The following GPR83 variants were observed in gnomAD, a reference collection of about 807,000 sequenced individuals.
GPR83 encodes G protein-coupled receptor 83.
Under a neutral mutation model 28.0 loss-of-function variants are expected in GPR83, and 23 were observed. The ratio of observed to expected loss-of-function variants is 0.82; its 90% CI spans 0.59 to 1.16. GPR83 has a LOEUF of 1.16. Among genes scored for constraint, GPR83 ranks in the 50% most tolerant of loss-of-function variants. GPR83 has a pLI of 0.00. For synonymous variants in GPR83, 234 were observed against 215.4 expected, an observed-to-expected ratio of 1.09 and a Z score of -0.76; for missense variants, 610 against 536.6, an observed-to-expected ratio of 1.14 and a Z score of -1.35.
intron 3 of GPR83, among the ~76,000 whole-genome samples, chr11:94,383,829 A>G (rs1421638342): frequency 4.6e-5 from 7 of 152,344 alleles, no homozygotes; most frequent in African/African-American, 1.7e-4. Flanking sequence ...TCTGAAATTG[A>G]GGCAGTAATT....
intron 3 of GPR83, among the ~76,000 whole-genome samples, chr11:94,393,195 G>A (rs764535513): frequency 5.9e-5 from 9 of 152,214 alleles, no homozygotes; most frequent in Admixed American, 1.3e-4. Flanking sequence ...CTCAGGCTGC[G>A]TAAGTACGGC....
At chr11:94,386,793 C>A (rs1265915304) in intron 3 of GPR83, among the ~76,000 whole-genome samples, 1 of 152,160 alleles carries the variant, frequency 6.6e-6, no homozygotes. Flanking sequence ...ACAAGGACAT[C>A]CAGTAATTGA....
At chr11:94,385,857 A>G (rs1565185202) in intron 3 of GPR83, among the ~76,000 whole-genome samples, 1 of 152,162 alleles carries the variant, frequency 6.6e-6, no homozygotes, top group African/African-American at 2.4e-5. Context: ...ATGCCACAAA[A>G]GTACTGCTCA....
At position 94,380,764 on chromosome 11, in the gene GPR83, A is replaced by C. The variant is rs1350293077; in HGVS notation, c.657T>G (p.Ile219Met). Residue 219 changes from isoleucine (I) to methionine (M), a missense_variant, in exon 4 of 4, where the codon ATT (isoleucine) becomes ATG (methionine). Transcript: ENST00000243673. ...KLFTFKYSED[I>M]VRSLCLPDFP... ...AGTCTGGCAGGCAGAGGGAGCGCAC[A>C]ATGTCCTCACTGGGGGCAGGAAGTG... 6.2e-7 allele frequency: 1 copy of C among 1,608,928 alleles called. No individual in the cohort carries two copies. The highest frequency in any genetic ancestry group is 8.5e-7 in the Non-Finnish European group (1 of 1,178,084).
rs372761443 is a variant in GPR83 at position 94,380,190 on chromosome 11, T to C, written c.1231A>G (p.Thr411Ala). The C allele has an allele frequency of 2.2e-5, 34 of 1,519,390 alleles. No homozygotes were observed. The highest frequency in any genetic ancestry group is 2.8e-5 in the Non-Finnish European group (32 of 1,135,674). The allele number at this position is 1,519,390 out of a possible 1,614,324, so 94.1% of individuals were successfully genotyped here. The change falls in exon 4 of 4, where the codon ACA (threonine) becomes GCA (alanine). Residue 411 changes from threonine to alanine, a missense_variant. Coordinates refer to ENST00000243673, the MANE Select transcript of GPR83 (RefSeq NM_016540.4). ...LPTSQLQSGK[T>A]DLSSVEPIVT... ...ATGGGTTCCACAGATGACAGGTCTG[T>C]CTTCCCAGACTGGAGTTGGGAGGTG...
chr11:94,380,622 A>G lies in GPR83; in HGVS notation c.799T>C (p.Trp267Arg). The change falls in exon 4 of 4, where the codon TGG becomes CGG. Residue 267 changes from tryptophan to arginine, a missense_variant. Physicochemically the swap from Trp to Arg is moderately radical, Grantham distance 101 (BLOSUM62 -3). Transcript: ENST00000243673. ...VAYARVAKKL[W>R]LCNMIGDVTT... is the part of the protein sequence containing the mutation. ...ACATCGCCAATCATATTACACAGCC[A>G]CAGTTTCTTGGCCACACGAGCGTAG... 6.2e-7 allele frequency: 1 copy of G among 1,614,046 alleles called. No individual in the cohort carries two copies. The highest frequency in any genetic ancestry group is 8.5e-7 in the Non-Finnish European group (1 of 1,180,004).
chr11:94,383,523 C>CA (rs1565184331), intron 3 of GPR83, among the ~76,000 whole-genome samples: 1 of 152,034 alleles, frequency 6.6e-6, no homozygotes, highest in Admixed American at 6.6e-5. Flanking sequence ...AAAAACCCTT[C>CA]AAAAAAATCA....
At chr11:94,384,149 G>A (rs748415805) in intron 3 of GPR83, among the ~76,000 whole-genome samples, 1 of 152,162 alleles carries the variant, frequency 6.6e-6, no homozygotes, top group Non-Finnish European at 1.5e-5. Flanking sequence ...GATCAAGTTG[G>A]CTTCATCCCT....
intron 1 of GPR83, among the ~76,000 whole-genome samples, chr11:94,397,856 T>A (rs1944880305): frequency 6.6e-6 from 1 of 152,170 alleles, no homozygotes; most frequent in Non-Finnish European, 1.5e-5. Context: ...CTGGAGTGTG[T>A]GAACAAGAGT....
Position 94,378,781 on chromosome 11 carries a change from T to A in GPR83, c.*1368A>T, listed in dbSNP as rs1944647854. On this transcript the variant is annotated 3_prime_UTR_variant, in exon 4 of 4. Coordinates refer to ENST00000243673, the MANE Select transcript of GPR83 (RefSeq NM_016540.4). Reference sequence around the variant, plus strand: ...ATATTGGAAAGCCTGCTCCCTCATCTCTTGTGAAAACAGAACAATGTTTCA... The same window carrying A: ...ATATTGGAAAGCCTGCTCCCTCATCACTTGTGAAAACAGAACAATGTTTCA... 6.6e-6 allele frequency: 1 copy of A among 152,606 alleles called. No homozygotes were observed. Among genetic ancestry groups the A allele is most frequent in the African/African-American group, 2.4e-5 (1 of 41,450 alleles). 9.5% of individuals were successfully genotyped at this position (152,606 alleles called of 1,614,324 possible).
Position 94,396,428 on chromosome 11 carries a change from G to A in GPR83, c.484C>T (p.Leu162=). 4 of 1,613,986 alleles carry A rather than the reference G, an allele frequency of 2.5e-6. No homozygotes were observed. The highest frequency in any genetic ancestry group is 1.1e-5 in the South Asian group (1 of 91,048). The change falls in exon 2 of 4, where the codon CTG becomes TTG. Residue 162 remains leucine, a synonymous_variant. Coordinates refer to ENST00000243673, the MANE Select transcript of GPR83 (RefSeq NM_016540.4). ...YCSLHVSALT[L]TAIAVDRHQV... ...TGGCGATCCACCGCAATGGCTGTCA[G>A]TGTCAGTGCTGAGACGTGCAGTGAG... is the stretch of plus-strand genomic sequence containing the variant.
chr11:94,397,457 G>A (rs1196211260), intron 1 of GPR83, among the ~76,000 whole-genome samples: 5 of 152,212 alleles, frequency 3.3e-5, no homozygotes, highest in African/African-American at 1.2e-4. Context: ...AGGGATGGGA[G>A]TGGGCAGAGG....
intron 3 of GPR83, among the ~76,000 whole-genome samples, chr11:94,391,152 C>A (rs907557005): frequency 4.6e-5 from 7 of 152,078 alleles, no homozygotes; most frequent in African/African-American, 7.2e-5. Context: ...TGGAACAGAG[C>A]CCTCAGAAAT....
rs1944839720 is a variant in GPR83, at chr11:94,393,607, G to T, written c.525C>A (p.His175Gln). 6.2e-7 allele frequency: 1 copy of T among 1,613,830 alleles called. No homozygotes were observed. ...TGATTGAGATCCGGGGTTTCAAGGG[G>T]TGCATGATGACCTGGAAAACAAGCA... Reference protein sequence around the residue: ...IAVDRHQVIMHPLKPRISITK... With the variant: ...IAVDRHQVIMQPLKPRISITK... The change falls in exon 3 of 4, where the codon CAC (histidine) becomes CAA (glutamine). Residue 175 changes from histidine (H) to glutamine (Q), a missense_variant. By Grantham distance (24) the His-to-Gln change is conservative. Coordinates refer to ENST00000243673, the MANE Select transcript of GPR83 (RefSeq NM_016540.4).
intron 3 of GPR83, 23 bp from the exon 4 acceptor site, chr11:94,380,796 G>A: frequency 1.9e-6 from 3 of 1,586,916 alleles, no homozygotes; most frequent in African/African-American, 1.3e-5. Flanking sequence ...AGTGGGGAGG[G>A]GGAGAGAGGT....
chr11:94,386,875 T>C (rs188655280), intron 3 of GPR83, among the ~76,000 whole-genome samples: 31 of 152,314 alleles, frequency 2.0e-4, no homozygotes, highest in Non-Finnish European at 1.2e-4. Context: ...AGATTACACA[T>C]TCTTCTCAGC....
At chr11:94,393,389 A>C in intron 3 of GPR83, 96 bp downstream of exon 3, 1 of 1,101,968 alleles carries the variant, frequency 9.1e-7, no homozygotes, top group Non-Finnish European at 1.4e-6. Flanking sequence ...TTACTCAGAC[A>C]GTTGTGAGCT....
chr11:94,393,917 C>T (rs906304840), intron 2 of GPR83, among the ~76,000 whole-genome samples: 1 of 152,284 alleles, frequency 6.6e-6, no homozygotes, highest in African/African-American at 2.4e-5. Flanking sequence ...CATTATTGAG[C>T]CCCTGAGCTA....
At chr11:94,382,646 T>C (rs1944705181) in intron 3 of GPR83, among the ~76,000 whole-genome samples, 1 of 152,130 alleles carries the variant, frequency 6.6e-6, no homozygotes, top group South Asian at 2.1e-4. Context: ...TTAACAAGGA[T>C]ATTCAGCACT....
Sources: allele counts gnomAD v4.1 joint callset (sites outside exome capture counted in the v4.1 genomes callset), GRCh38; gene constraint gnomAD v4.1.1; transcripts MANE v1.5; gene names NCBI Gene and HGNC (gene_info 2026-07-23, HGNC 2026-07-21).